The following DIP2C variants were observed in gnomAD, a reference collection of about 807,000 sequenced individuals.
DIP2C encodes DIP2 acetate--CoA ligase C (putative), also known as disco-interacting protein 2 homolog C.
A neutral mutation model predicts 192.4 loss-of-function variants in DIP2C; 33 were observed. The observed-to-expected ratio is 0.17, with a 90% CI of 0.13 to 0.23. The LOEUF is 0.23. DIP2C is among the 10% of genes least tolerant of loss of function. The pLI, the probability that DIP2C is intolerant of heterozygous loss-of-function variation, is 1.00. For synonymous variants in DIP2C, 979 were observed against 864.1 expected (o/e 1.13, Z -2.33); for missense variants, 1,537 against 2,110.1 (o/e 0.73, Z 5.32).
chr10:674,789 T>TATATATATATATAGAGAGAG, intron 1 of DIP2C, among the ~76,000 whole-genome samples: 41 of 62,464 alleles, frequency 6.6e-4, no homozygotes, highest in African/African-American at 1.9e-3. Flanking sequence ...TATATATATA[T>TATATATATATATAGAGAGAG]AGAGAGAGAG....
chr10:353,464 C>T (rs1252370213), intron 24 of DIP2C, among the ~76,000 whole-genome samples: 1 of 152,194 alleles, frequency 6.6e-6, no homozygotes, highest in Non-Finnish European at 1.5e-5. Flanking sequence ...TCTTGGCTCA[C>T]TGCAACCTCT....
intron 13 of DIP2C, 132 bp downstream of exon 13, chr10:389,859 T>C: frequency 1.4e-6 from 1 of 731,212 alleles, no homozygotes; most frequent in Non-Finnish European, 2.3e-6. Flanking sequence ...AACTCAACAA[T>C]AAGTTCATGT....
At chr10:674,484 G>A (rs1307938277) in intron 1 of DIP2C, among the ~76,000 whole-genome samples, 1 of 152,006 alleles carries the variant, frequency 6.6e-6, no homozygotes, top group Non-Finnish European at 1.5e-5. Context: ...GATCTAAATA[G>A]AGAGGCGGGG....
intron 3 of DIP2C, among the ~76,000 whole-genome samples, chr10:446,475 T>C (rs1157707838): frequency 6.6e-6 from 1 of 152,258 alleles, no homozygotes. Context: ...ACACCATTTC[T>C]GGTTGCTTCT....
At chr10:533,286 C>T (rs561585614) in intron 1 of DIP2C, among the ~76,000 whole-genome samples, 131 of 152,220 alleles carry the variant, frequency 8.6e-4, no homozygotes, top group Non-Finnish European at 1.5e-3. Flanking sequence ...CAACACTTTA[C>T]GAGGCAATCT....
intron 1 of DIP2C, among the ~76,000 whole-genome samples, chr10:535,658 T>G (rs1250157092): frequency 6.6e-6 from 1 of 152,170 alleles, no homozygotes; most frequent in East Asian, 1.9e-4. Flanking sequence ...CCATTTATAT[T>G]ACCATCTTTT....
At chr10:333,015 GC>G (rs1957572056) in intron 29 of DIP2C, among the ~76,000 whole-genome samples, 1 of 152,206 alleles carries the variant, frequency 6.6e-6, no homozygotes, top group African/African-American at 2.4e-5. Context: ...TGATTCTCCT[GC>G]CTCATGCTCC....
chr10:628,305 C>T lies in DIP2C; in HGVS notation c.85+61189G>A, dbSNP rs191622443. Among the ~76,000 whole-genome samples, 302 of 152,300 alleles carry T rather than the reference C, an allele frequency of 2.0e-3. 1 individual carries two copies. Among genetic ancestry groups the T allele is most frequent in the Middle Eastern group, 0.01 (3 of 294 alleles). On this transcript the variant is annotated intron_variant, in intron 1 of 36. Coordinates refer to ENST00000280886, the MANE Select transcript of DIP2C (RefSeq NM_014974.3). ...CCTTGTGGATGGGCCTGTGGTTATT[C>T]CCTGAAGAACGAGACCATTGGCCCA... is the stretch of plus-strand genomic sequence containing the variant.
chr10:535,618 G>A (rs145581346), intron 1 of DIP2C, among the ~76,000 whole-genome samples: 62 of 152,166 alleles, frequency 4.1e-4, no homozygotes, highest in Non-Finnish European at 7.1e-4. Context: ...TCCCACACTC[G>A]TCACTGCTGA....
At chr10:606,707 C>T (rs1166843039) in intron 1 of DIP2C, among the ~76,000 whole-genome samples, 1 of 152,256 alleles carries the variant, frequency 6.6e-6, no homozygotes. Flanking sequence ...TGCTTAAGCA[C>T]TCTGCTGCCT....
rs542596701 is a variant in DIP2C, at chr10:433,974, T to C, written c.394+6897A>G. ...CCTTTCTTATCATATCAGTTACTTT[T>C]TTTTAAGTGGCTGCCTTGGGATTTG... On this transcript the variant is annotated intron_variant, in intron 4 of 36. Coordinates refer to ENST00000280886, the MANE Select transcript of DIP2C (RefSeq NM_014974.3). Among the ~76,000 whole-genome samples, 16 of 152,306 alleles carry C rather than the reference T, an allele frequency of 1.1e-4. No individual in the cohort carries two copies. In the South Asian group the frequency reaches 2.7e-3, roughly 26 times the overall value.
intron 9 of DIP2C, among the ~76,000 whole-genome samples, chr10:407,734 G>A (rs76087290): frequency 2.0e-5 from 3 of 152,074 alleles, no homozygotes; most frequent in African/African-American, 7.2e-5. Context: ...TTGGAGAAAC[G>A]TTTACTCAAG....
intron 4 of DIP2C, among the ~76,000 whole-genome samples, chr10:434,770 C>A (rs1003972671): frequency 5.2e-4 from 79 of 152,140 alleles, no homozygotes; most frequent in African/African-American, 1.9e-3. Flanking sequence ...GCATTTTTTT[C>A]CTCTCAATAG....
intron 1 of DIP2C, among the ~76,000 whole-genome samples, chr10:606,710 T>G (rs1852511794): frequency 6.6e-6 from 1 of 152,260 alleles, no homozygotes. Context: ...TTAAGCACTC[T>G]GCTGCCTCCT....
intron 1 of DIP2C, chr10:663,063 C>G (rs1225240621): frequency 1.6e-6 from 1 of 620,160 alleles, no homozygotes; most frequent in Admixed American, 2.4e-5. Flanking sequence ...AGATGGTGAC[C>G]GTGACCCAGT....
At chr10:387,169 T>C (rs769584235) in intron 14 of DIP2C, among the ~76,000 whole-genome samples, 6 of 152,204 alleles carry the variant, frequency 3.9e-5, no homozygotes, top group Non-Finnish European at 8.8e-5. Flanking sequence ...AGATACTGAA[T>C]GCCAAAAGTG....
intron 4 of DIP2C, among the ~76,000 whole-genome samples, chr10:423,550 G>C (rs1966356969): frequency 6.6e-6 from 1 of 152,010 alleles, no homozygotes; most frequent in South Asian, 2.1e-4. Flanking sequence ...CCATGCAGCT[G>C]ATTTATTTCT....
At position 329,457 on chromosome 10, in the gene DIP2C, C is replaced by T; in HGVS notation, c.3729G>A (p.Leu1243=). 1 of 1,613,952 alleles carries T rather than the reference C, an allele frequency of 6.2e-7. No homozygotes were observed. Among genetic ancestry groups the T allele is most frequent in the Non-Finnish European group, 8.5e-7 (1 of 1,179,928 alleles). ...YSVMELCTKG[L]GSQTESLKAR... ...CCTTGAGGGACTCTGTTTGCGAGCC[C>T]AGCCCCTTGGTGCACAGCTCCATCA... The change falls in exon 30 of 37, where the codon CTG becomes CTA. Residue 1243 remains leucine (L), a synonymous_variant. Coordinates refer to ENST00000280886, the MANE Select transcript of DIP2C (RefSeq NM_014974.3).
At chr10:431,890 C>A (rs543981023) in intron 4 of DIP2C, among the ~76,000 whole-genome samples, 2 of 152,094 alleles carry the variant, frequency 1.3e-5, no homozygotes, top group African/African-American at 4.8e-5. Context: ...GGTTTTTTGT[C>A]CATATTCTTT....
Sources: gnomAD v4.1 joint callset for allele counts (sites outside exome capture counted in the v4.1 genomes callset) on GRCh38, gnomAD v4.1.1 for gene constraint, MANE v1.5 for transcripts, NCBI Gene and HGNC (gene_info 2026-07-23, HGNC 2026-07-21) for gene names.